Variants in PPP1R9A observed in about 807,000 individuals in gnomAD.
PPP1R9A encodes protein phosphatase 1 regulatory subunit 9A.
A neutral mutation model predicts 141.9 loss-of-function variants in PPP1R9A; 59 were observed. The observed-to-expected ratio is 0.42, with a 90% confidence interval of 0.34 to 0.52. PPP1R9A has a LOEUF of 0.52. Ranked by LOEUF, PPP1R9A falls within the 20% of genes least tolerant of loss-of-function variation. The pLI, the probability that PPP1R9A is intolerant of heterozygous loss-of-function variation, is 0.10. For synonymous variants in PPP1R9A, 500 were observed against 569.7 expected, an observed-to-expected ratio of 0.88 and a Z score of 1.74; for missense variants, 1,444 against 1,611.9, an observed-to-expected ratio of 0.90 and a Z score of 1.78.
Position 95,046,267 on chromosome 7 carries a change from G to A in PPP1R9A, c.1396-64992G>A, listed in dbSNP as rs2151950488. ...GGCTAATTTTTGTATTTTTAGTACA[G>A]ATGGGGTTTCACCATGTTGACAGGC... On this transcript the variant is annotated intron_variant, in intron 2 of 19. Transcript: ENST00000433360. Among the ~76,000 whole-genome samples, 2 of 152,084 alleles carry A rather than the reference G, an allele frequency of 1.3e-5. 1 individual carries two copies.
At chr7:95,183,738 C>T (rs538228340) in intron 5 of PPP1R9A, among the ~76,000 whole-genome samples, 9 of 151,914 alleles carry the variant, frequency 5.9e-5, no homozygotes, top group East Asian at 1.9e-4. Context: ...TGAGCCACAG[C>T]GCCCAGCCAA....
intron 2 of PPP1R9A, among the ~76,000 whole-genome samples, chr7:95,000,737 G>A (rs928443754): frequency 1.8e-4 from 28 of 152,184 alleles, no homozygotes; most frequent in African/African-American, 6.7e-4. Context: ...TAGGCTAATC[G>A]TCTCTCTCCA....
intron 2 of PPP1R9A, among the ~76,000 whole-genome samples, chr7:94,916,710 A>T (rs1294216412): frequency 6.6e-6 from 1 of 152,072 alleles, no homozygotes; most frequent in African/African-American, 2.4e-5. Context: ...CATTTCTTTC[A>T]TTCTTTTGCA....
chr7:94,939,524 T>C (rs1795106376), intron 2 of PPP1R9A, among the ~76,000 whole-genome samples: 1 of 152,108 alleles, frequency 6.6e-6, no homozygotes, highest in East Asian at 1.9e-4. Context: ...AGATTTTTCA[T>C]AGAGGCAAGG....
intron 4 of PPP1R9A, among the ~76,000 whole-genome samples, chr7:95,133,839 A>G (rs1825128057): frequency 1.3e-5 from 2 of 151,876 alleles, no homozygotes; most frequent in Admixed American, 1.3e-4. Flanking sequence ...ACATGTGCAC[A>G]CCACCATGCC....
intron 4 of PPP1R9A, among the ~76,000 whole-genome samples, chr7:95,130,350 C>T (rs916788757): frequency 3.3e-5 from 5 of 152,168 alleles, no homozygotes; most frequent in African/African-American, 4.8e-5. Flanking sequence ...CCTGCAAGTG[C>T]ACAAAAGTCA....
chr7:95,191,893 A>G (rs1468295729), intron 5 of PPP1R9A, among the ~76,000 whole-genome samples: 1 of 152,232 alleles, frequency 6.6e-6, no homozygotes, highest in South Asian at 2.1e-4. Flanking sequence ...GGCTGATTCA[A>G]CACATGTTGT....
chr7:95,023,378 TA>T (rs1316721761), intron 2 of PPP1R9A, among the ~76,000 whole-genome samples: 3 of 152,154 alleles, frequency 2.0e-5, no homozygotes, highest in African/African-American at 7.2e-5. Flanking sequence ...TTTTCTTCTT[TA>T]TTAGTCTGGC....
intron 2 of PPP1R9A, among the ~76,000 whole-genome samples, chr7:94,976,912 T>C (rs1427490210): frequency 6.6e-6 from 1 of 152,172 alleles, no homozygotes; most frequent in Non-Finnish European, 1.5e-5. Flanking sequence ...ATATTCTTGC[T>C]GGGGATCTAG....
At chr7:94,976,688 G>C (rs1326090350) in intron 2 of PPP1R9A, among the ~76,000 whole-genome samples, 8 of 152,256 alleles carry the variant, frequency 5.3e-5, no homozygotes. Flanking sequence ...CTTTTTAGCA[G>C]GGAGTAAGGC....
chr7:94,930,322 C>G (rs1486393178), intron 2 of PPP1R9A, among the ~76,000 whole-genome samples: 2 of 152,098 alleles, frequency 1.3e-5, no homozygotes. Flanking sequence ...TTTTAAGAAG[C>G]ATAAAGGTTG....
intron 2 of PPP1R9A, among the ~76,000 whole-genome samples, chr7:95,065,135 A>G (rs1354430231): frequency 1.3e-5 from 2 of 152,100 alleles, no homozygotes; most frequent in East Asian, 1.9e-4. Flanking sequence ...GCATGCTCAT[A>G]GCTCACTGCA....
intron 2 of PPP1R9A, among the ~76,000 whole-genome samples, chr7:94,954,977 T>G (rs1419844097): frequency 6.6e-6 from 1 of 152,000 alleles, no homozygotes; most frequent in Non-Finnish European, 1.5e-5. Flanking sequence ...TTTGTTATTC[T>G]GCTTCTTGTG....
chr7:95,014,842 T>G lies in PPP1R9A; in HGVS notation c.1396-96417T>G, dbSNP rs913271488. Among the ~76,000 whole-genome samples, 22 of 152,220 alleles carry G rather than the reference T, an allele frequency of 1.4e-4. No individual in the cohort carries two copies. In the East Asian group the frequency reaches 4.2e-3, roughly 29 times the overall value. ...TGCTTACTGACTTATTTATTTATAT[T>G]AGCATGAACTCATGGATTCTTATCT... On this transcript the variant is annotated intron_variant, in intron 2 of 19. Transcript: ENST00000433360.
At chr7:95,019,740 A>G (rs1485588696) in intron 2 of PPP1R9A, among the ~76,000 whole-genome samples, 1 of 152,122 alleles carries the variant, frequency 6.6e-6, no homozygotes, top group East Asian at 1.9e-4. Context: ...AGCATGTGGA[A>G]CAACTGGAAA....
chr7:95,207,206 GAAGA>G lies in PPP1R9A; in HGVS notation c.1956+3480_1956+3483del, dbSNP rs146460723. ...CATGAGTAAAAAACAGCAGAAAATAGAAGAAAGGGAGGGAGGAAAAGAAAAAAAA... is the reference window on the plus strand; with the variant it reads ...CATGAGTAAAAAACAGCAGAAAATAGAAGGGAGGGAGGAAAAGAAAAAAAA... On this transcript the variant is annotated intron_variant, in intron 7 of 19. Transcript: ENST00000433360. 3.5e-3 allele frequency among the ~76,000 whole-genome samples: 531 copies of G among 151,576 alleles called. 3 individuals carry two copies. Among genetic ancestry groups the G allele is most frequent in the African/African-American group, 0.012 (496 of 41,340 alleles).
intron 2 of PPP1R9A, among the ~76,000 whole-genome samples, chr7:94,962,755 A>G (rs1038384104): frequency 3.3e-5 from 5 of 152,106 alleles, no homozygotes; most frequent in African/African-American, 1.2e-4. Flanking sequence ...TTTGGGCTTG[A>G]TCTTGGGAGT....
intron 19 of PPP1R9A, 64 bp from the exon 20 acceptor site, chr7:95,290,027 T>A: frequency 6.3e-7 from 1 of 1,587,806 alleles, no homozygotes; most frequent in Non-Finnish European, 8.5e-7. Flanking sequence ...ATATATGGTA[T>A]GTTAACACCA....
chr7:95,261,524 G>GT (rs200636813), intron 12 of PPP1R9A, among the ~76,000 whole-genome samples: 2,178 of 150,700 alleles, frequency 0.014, 46 homozygotes, highest in African/African-American at 0.046. Flanking sequence ...GACACTAAGG[G>GT]TTTTTTTTTG....
Sources: gnomAD v4.1 joint callset for allele counts (sites outside exome capture counted in the v4.1 genomes callset) on GRCh38, gnomAD v4.1.1 for gene constraint, MANE v1.5 for transcripts, NCBI Gene and HGNC (gene_info 2026-07-23, HGNC 2026-07-21) for gene names.